Variants in CYSTM1 observed in about 807,000 individuals in gnomAD.
CYSTM1 encodes cysteine rich transmembrane module containing 1.
In CYSTM1, 4 loss-of-function variants were observed where a neutral mutation model predicts 13.1. The observed-to-expected ratio is 0.31, with a 90% CI of 0.15 to 0.70. CYSTM1 has a LOEUF of 0.70. Ranked by LOEUF, CYSTM1 falls within the 30% of genes least tolerant of loss-of-function variation. The pLI is 0.72. For synonymous variants in CYSTM1, 36 were observed against 42.7 expected (o/e 0.84, Z 0.62); for missense variants, 96 against 121.6 (o/e 0.79, Z 0.99).
intron 1 of CYSTM1, among the ~76,000 whole-genome samples, chr5:140,191,784 T>C (rs1764098361): frequency 6.6e-6 from 1 of 152,180 alleles, no homozygotes; most frequent in Non-Finnish European, 1.5e-5. Context: ...GTATTGTACT[T>C]CTGTGATTTA....
chr5:140,232,589 C>T (rs1382836281), intron 2 of CYSTM1, among the ~76,000 whole-genome samples: 3 of 152,174 alleles, frequency 2.0e-5, no homozygotes, highest in African/African-American at 7.2e-5. Flanking sequence ...AAAGTGTCTA[C>T]ACTGTTTTCA....
rs1347232390 is a variant in CYSTM1 at position 140,230,378 on chromosome 5, C to G, written c.188-12927C>G. 6.6e-6 allele frequency among the ~76,000 whole-genome samples: 1 copy of G among 152,136 alleles called. No homozygotes were observed. The highest frequency in any genetic ancestry group is 1.5e-5 in the Non-Finnish European group (1 of 68,030). On this transcript the variant is annotated intron_variant, in intron 2 of 2. Transcript: ENST00000261811. This position sits in a 1 kb window ranked among gnomAD's most constrained non-coding sequence, Gnocchi z 4.1. Reference sequence around the variant, plus strand: ...TATAAGTTAACAATTAGACAGGATTCCAGCTCAAATCTGTCTCCCTGTCCT... The same window carrying G: ...TATAAGTTAACAATTAGACAGGATTGCAGCTCAAATCTGTCTCCCTGTCCT...
intron 2 of CYSTM1, among the ~76,000 whole-genome samples, chr5:140,228,309 A>G (rs984566964): frequency 5.9e-5 from 9 of 152,320 alleles, no homozygotes; most frequent in Admixed American, 5.2e-4. Context: ...TTATAAAATG[A>G]TGATAATAAT....
At chr5:140,190,551 CA>C (rs2126656036) in intron 1 of CYSTM1, among the ~76,000 whole-genome samples, 1 of 152,234 alleles carries the variant, frequency 6.6e-6, no homozygotes, top group South Asian at 2.1e-4. Context: ...TTACTGTCTG[CA>C]GAGTCAGTGC....
intron 2 of CYSTM1, among the ~76,000 whole-genome samples, chr5:140,240,177 C>G (rs1764730886): frequency 6.6e-6 from 1 of 152,048 alleles, no homozygotes; most frequent in East Asian, 1.9e-4. Flanking sequence ...CCAGCACCCC[C>G]CCACTGCTCT....
chr5:140,198,511 C>A (rs1764181565), intron 2 of CYSTM1, among the ~76,000 whole-genome samples: 1 of 152,226 alleles, frequency 6.6e-6, no homozygotes, highest in South Asian at 2.1e-4. Flanking sequence ...CTAGCTTAAG[C>A]TGCTTTACAT....
intron 2 of CYSTM1, among the ~76,000 whole-genome samples, chr5:140,238,141 C>G (rs1337200459): frequency 6.6e-6 from 1 of 152,068 alleles, no homozygotes; most frequent in Non-Finnish European, 1.5e-5. Context: ...CACAGAAAAG[C>G]CAGGCCAGAG....
At chr5:140,218,379 C>T (rs765812119) in intron 2 of CYSTM1, among the ~76,000 whole-genome samples, 13 of 152,180 alleles carry the variant, frequency 8.5e-5, no homozygotes, top group Non-Finnish European at 1.8e-4. Flanking sequence ...TGCCTTCTGT[C>T]CTTCAGGTCT....
At chr5:140,225,483 C>G (rs1764537867) in intron 2 of CYSTM1, among the ~76,000 whole-genome samples, 1 of 152,228 alleles carries the variant, frequency 6.6e-6, no homozygotes, top group African/African-American at 2.4e-5. Flanking sequence ...GGCTGCCATC[C>G]TGATTGTTCC....
rs1237564072 is a variant in CYSTM1, at chr5:140,226,518, A to AT, written c.188-16787_188-16786insT. Among the ~76,000 whole-genome samples the AT allele has an allele frequency of 1.6e-4, 20 of 122,170 alleles. No homozygotes were observed. In the Admixed American group the frequency reaches 1.6e-3, roughly 10 times the overall value. The allele number at this position is 122,170 out of a possible 152,430, so 80.1% of individuals were successfully genotyped here. On this transcript the variant is annotated intron_variant, in intron 2 of 2. Transcript: ENST00000261811. ...ATAATATATATAAATATATATTAAT[A>AT]ATATATAATATATTTATATATATTA... is the stretch of plus-strand genomic sequence containing the variant.
At chr5:140,220,889 T>C (rs1471297339) in intron 2 of CYSTM1, among the ~76,000 whole-genome samples, 1 of 152,130 alleles carries the variant, frequency 6.6e-6, no homozygotes, top group African/African-American at 2.4e-5. Context: ...TGATTCATGC[T>C]ACCAAACCAA....
intron 2 of CYSTM1, among the ~76,000 whole-genome samples, chr5:140,218,295 CAACT>C (rs1764455081): frequency 6.6e-6 from 1 of 152,142 alleles, no homozygotes; most frequent in Non-Finnish European, 1.5e-5. Flanking sequence ...GTGTAAAATG[CAACT>C]GTCTGTAGGG....
intron 2 of CYSTM1, among the ~76,000 whole-genome samples, chr5:140,197,307 A>G (rs1764170065): frequency 6.6e-6 from 1 of 152,200 alleles, no homozygotes; most frequent in African/African-American, 2.4e-5. Context: ...TTGATGAAAA[A>G]TAATTTCTTA....
intron 2 of CYSTM1, among the ~76,000 whole-genome samples, chr5:140,226,476 TATATATTTATATATATATAATATATATAA>T (rs1764551122): frequency 8.8e-6 from 1 of 113,160 alleles, no homozygotes; most frequent in Non-Finnish European, 1.8e-5. Flanking sequence ...AAAAAATATA[TATATATTTATATATATATAATATATATAA>T]ATATATATTA....
chr5:140,231,389 C>T (rs1041828722), intron 2 of CYSTM1, among the ~76,000 whole-genome samples: 1 of 152,214 alleles, frequency 6.6e-6, no homozygotes, highest in Non-Finnish European at 1.5e-5. Context: ...CTGTCCTATG[C>T]ATGCTCCAGG....
rs780084209 is a variant in CYSTM1 at position 140,194,623 on chromosome 5, G to T, written c.158G>T (p.Gly53Val). The T allele has an allele frequency of 1.1e-5, 17 of 1,613,198 alleles. No homozygotes were observed. The highest frequency in any genetic ancestry group is 1.4e-5 in the Non-Finnish European group (16 of 1,179,650). The change falls in exon 2 of 3, where the codon GGT becomes GTT. Residue 53 changes from glycine to valine, a missense_variant. Physicochemically the swap from Gly to Val is moderately radical, Grantham distance 109. Transcript: ENST00000261811. ...GGATACCCACAGTACGGCTGGCAGGGTGGACCTCAGGAGCCTCCTAAAACC... is the reference window on the plus strand; with the variant it reads ...GGATACCCACAGTACGGCTGGCAGGTTGGACCTCAGGAGCCTCCTAAAACC... ...YQGYPQYGWQ[G>V]GPQEPPKTTV...
chr5:140,232,443 A>T (rs1361835267), intron 2 of CYSTM1, among the ~76,000 whole-genome samples: 3 of 152,210 alleles, frequency 2.0e-5, no homozygotes, highest in Non-Finnish European at 2.9e-5. Flanking sequence ...GGAATTCTGG[A>T]TGGATCTGCA....
chr5:140,178,441 C>CTTTTTTTTTTTTTTTTTTTTTTT lies in CYSTM1; in HGVS notation c.-21+3159_-21+3181dup, dbSNP rs577709524. On this transcript the variant is annotated intron_variant, in intron 1 of 2. Transcript: ENST00000261811. ...TGGAAAAGCCCTATTCAAGTCCTTCCTTTTTTTTTTTTTTTTTTTTTTTTT... is the reference window on the plus strand; with the variant it reads ...TGGAAAAGCCCTATTCAAGTCCTTCCTTTTTTTTTTTTTTTTTTTTTTTTTTTTTTTTTTTTTTTTTTTTTTTT... Among the ~76,000 whole-genome samples the CTTTTTTTTTTTTTTTTTTTTTTT allele has an allele frequency of 2.7e-4, 14 of 52,628 alleles. 2 individuals carry two copies. The highest frequency in any genetic ancestry group is 3.4e-4 in the African/African-American group (4 of 11,788). The allele number at this position is 52,628 out of a possible 152,430, so 34.5% of individuals were successfully genotyped here.
chr5:140,178,441 C>CTTTTTTTTTTTTTTTTTTTTTTTTG (rs1763918258), intron 1 of CYSTM1, among the ~76,000 whole-genome samples: 1 of 52,628 alleles, frequency 1.9e-5, no homozygotes, highest in African/African-American at 8.5e-5. Context: ...CAAGTCCTTC[C>CTTTTTTTTTTTTTTTTTTTTTTTTG]TTTTTTTTTT....
Sources: allele counts gnomAD v4.1 joint callset (sites outside exome capture counted in the v4.1 genomes callset), GRCh38; gene constraint gnomAD v4.1.1; non-coding constraint Gnocchi (gnomAD v3.1); transcripts MANE v1.5; gene names NCBI Gene and HGNC (gene_info 2026-07-23, HGNC 2026-07-21).